The following KDM4B variants were observed in gnomAD, a reference collection of about 807,000 sequenced individuals.
The protein encoded by KDM4B is lysine-specific demethylase 4B.
In KDM4B, 32 loss-of-function variants were observed where a neutral mutation model predicts 125.2. That is an observed-to-expected ratio of 0.26 (90% CI 0.19 to 0.34). The LOEUF is 0.34. KDM4B is among the 10% of genes least tolerant of loss of function. The pLI is 1.00. For missense variants in KDM4B, 1,190 were observed against 1,577.7 expected (o/e 0.75, Z 4.16); for synonymous variants, 721 against 677.9 (o/e 1.06, Z -0.99).
intron 1 of KDM4B, among the ~76,000 whole-genome samples, chr19:4,974,120 C>T (rs909925597): frequency 9.7e-5 from 14 of 144,710 alleles, no homozygotes; most frequent in African/African-American, 2.6e-4. Flanking sequence ...AATAAGTGGC[C>T]GGGCGCAGTG....
At chr19:5,047,232 A>G in intron 5 of KDM4B, 2 of 468,354 alleles carry the variant, frequency 4.3e-6, no homozygotes, top group Non-Finnish European at 7.6e-6. Context: ...TGAGCCTGGG[A>G]GGTTGAGGCT....
rs555587312 is a variant in KDM4B, at chr19:5,023,027, A to G, written c.-26+6688A>G. 1.7e-4 allele frequency among the ~76,000 whole-genome samples: 26 copies of G among 152,282 alleles called. No homozygotes were observed. In the East Asian group the frequency reaches 3.3e-3, roughly 19 times the overall value. On this transcript the variant is annotated intron_variant, in intron 2 of 22. Coordinates refer to ENST00000159111, the MANE Select transcript of KDM4B (RefSeq NM_015015.3). ...TGAATATATTACCTTAAATGACAAA[A>G]GGGACTTTTCGCGGGTGGGACTGAG...
At chr19:5,024,648 TA>T (rs35726883) in intron 2 of KDM4B, among the ~76,000 whole-genome samples, 10,150 of 139,738 alleles carry the variant, frequency 0.073, 1,006 homozygotes, top group African/African-American at 0.23. Flanking sequence ...ACAGCTGCCC[TA>T]AAAAAAAAAA....
At chr19:5,137,373 A>C in intron 16 of KDM4B, 35 bp downstream of exon 16, 1 of 1,536,738 alleles carries the variant, frequency 6.5e-7, no homozygotes, top group Middle Eastern at 1.7e-4. Flanking sequence ...TGGTGCTCTG[A>C]GAGGCCTGGG....
At chr19:5,011,317 C>T (rs2035720358) in intron 1 of KDM4B, among the ~76,000 whole-genome samples, 1 of 152,174 alleles carries the variant, frequency 6.6e-6, no homozygotes, top group African/African-American at 2.4e-5. Flanking sequence ...GCTGACAGGG[C>T]TTGGAAGTAG....
rs750114532 is a variant in KDM4B, at chr19:5,110,714, G to T, written c.1011G>T (p.Lys337Asn). 4 of 1,612,900 alleles carry T rather than the reference G, an allele frequency of 2.5e-6. No homozygotes were observed. The highest frequency in any genetic ancestry group is 3.3e-5 in the Admixed American group (2 of 60,014). The part of the protein sequence containing the change: ...PERYELWKQG[K>N]DLTVLDHTRP... ...GCTACGAGCTGTGGAAGCAGGGCAA[G>T]GACCTCACGGTGCTGGACCACACGC... The change falls in exon 10 of 23, where the codon AAG (lysine) becomes AAT (asparagine). Residue 337 changes from lysine (K) to asparagine (N), a missense_variant. Lys to Asn is a moderately conservative substitution (Grantham distance 94). Coordinates refer to ENST00000159111, the MANE Select transcript of KDM4B (RefSeq NM_015015.3).
intron 5 of KDM4B, among the ~76,000 whole-genome samples, chr19:5,041,653 G>A (rs926018595): frequency 1.3e-5 from 2 of 152,244 alleles, no homozygotes; most frequent in Non-Finnish European, 2.9e-5. Context: ...TGGGCTCAGG[G>A]CCCGGAGACA....
Position 5,128,096 on chromosome 19 carries a change from C to T in KDM4B, c.1316-2980C>T, listed in dbSNP as rs925894105. Among the ~76,000 whole-genome samples, 15 of 151,100 alleles carry T rather than the reference C, an allele frequency of 9.9e-5. No individual in the cohort carries two copies. The South Asian group carries it at 2.3e-3, about 23-fold the overall frequency. On this transcript the variant is annotated intron_variant, in intron 11 of 22. Transcript: ENST00000159111. ...AGCCCCGGCTGGAGTCTCCTGTGTG[C>T]GGAGCTACCTGTTGTGTGTGAGGAC...
At chr19:5,120,586 C>G (rs962122793) in intron 11 of KDM4B, among the ~76,000 whole-genome samples, 42 of 152,336 alleles carry the variant, frequency 2.8e-4, no homozygotes, top group African/African-American at 9.6e-4. Context: ...GAAACATTAC[C>G]TTCCCCAGGG....
intron 1 of KDM4B, among the ~76,000 whole-genome samples, chr19:4,980,599 T>C (rs1295766235): frequency 2.0e-5 from 3 of 151,858 alleles, no homozygotes; most frequent in Non-Finnish European, 4.4e-5. Flanking sequence ...AATTTTTGTA[T>C]TTTTAGTAGA....
In KDM4B at chr19:5,114,644, G is replaced by A. The variant is rs1043395134; in HGVS notation, c.1115+3826G>A. Among the ~76,000 whole-genome samples, 1 of 152,158 alleles carries A rather than the reference G, an allele frequency of 6.6e-6. No homozygotes were observed. The highest frequency in any genetic ancestry group is 1.5e-5 in the Non-Finnish European group (1 of 68,014). On this transcript the variant is annotated intron_variant, in intron 10 of 22. Coordinates refer to ENST00000159111, the MANE Select transcript of KDM4B (RefSeq NM_015015.3). This position sits in a 1 kb window ranked among gnomAD's most constrained non-coding sequence, Gnocchi z 5.8. The stretch of plus-strand genomic sequence containing the variant: ...TTCCTCAGCACAGGGTCTAGTCTTG[G>A]GGGTGGGGAGCACTGGGCCACTTTG...
intron 11 of KDM4B, among the ~76,000 whole-genome samples, chr19:5,122,452 C>T (rs1026228723): frequency 3.9e-5 from 6 of 152,370 alleles, no homozygotes; most frequent in African/African-American, 1.4e-4. Context: ...GGTCATTCCT[C>T]TGCCTGCCAC....
At chr19:5,065,279 C>G (rs2613764) in intron 6 of KDM4B, among the ~76,000 whole-genome samples, 44 of 152,368 alleles carry the variant, frequency 2.9e-4, no homozygotes, top group African/African-American at 1.0e-3. Context: ...CCAAGCCCGT[C>G]TGCTCACCGT....
intron 6 of KDM4B, among the ~76,000 whole-genome samples, chr19:5,053,810 G>C (rs1335370879): frequency 6.6e-6 from 1 of 152,252 alleles, no homozygotes; most frequent in Admixed American, 6.5e-5. Flanking sequence ...CACCAGCCCA[G>C]ACCAGCCACT....
intron 2 of KDM4B, among the ~76,000 whole-genome samples, chr19:5,021,278 G>T (rs2036111965): frequency 6.6e-6 from 1 of 152,062 alleles, no homozygotes; most frequent in Non-Finnish European, 1.5e-5. Flanking sequence ...GGCATCTTTT[G>T]TTTTTTCTTT....
At chr19:5,086,192 G>GCC (rs1162682150) in intron 9 of KDM4B, among the ~76,000 whole-genome samples, 2 of 148,852 alleles carry the variant, frequency 1.3e-5, no homozygotes, top group East Asian at 2.0e-4. Flanking sequence ...AGGGACCCCT[G>GCC]CCCCCCCCCA....
intron 2 of KDM4B, among the ~76,000 whole-genome samples, chr19:5,030,947 C>T (rs2036433560): frequency 1.3e-5 from 2 of 152,356 alleles, no homozygotes; most frequent in African/African-American, 2.4e-5. Context: ...GAGGTGACCG[C>T]GTTCTGCCAC....
In KDM4B at chr19:5,070,308, CT is replaced by C. The variant is rs532792542; in HGVS notation, c.627-701del. 2.4e-3 allele frequency among the ~76,000 whole-genome samples: 368 copies of C among 152,366 alleles called. 2 individuals carry two copies. Among genetic ancestry groups the C allele is most frequent in the Non-Finnish European group, 4.1e-3 (280 of 68,034 alleles). On this transcript the variant is annotated intron_variant, in intron 6 of 22. Transcript: ENST00000159111. ...CTGCGGCTCCTGGTGCCCACCCTCC[CT>C]GATGGGAAGAGAGTCCCAACATCGC...
rs376827867 is a variant in KDM4B, at chr19:5,035,863, C to CTGTGTGTGTGTGTGTGTG, written c.141+2833_141+2850dup. Among the ~76,000 whole-genome samples, 59 of 142,286 alleles carry CTGTGTGTGTGTGTGTGTG rather than the reference C, an allele frequency of 4.1e-4. No homozygotes were observed. The highest frequency in any genetic ancestry group is 1.4e-3 in the African/African-American group (54 of 38,540). 93.3% of individuals were successfully genotyped at this position (142,286 alleles called of 152,430 possible). ...GGAGGGGCTGTGTGTGCACGTGTCT[C>CTGTGTGTGTGTGTGTGTG]TGTGTGTGTGTGTGTGTGCGCGCGC... On this transcript the variant is annotated intron_variant, in intron 3 of 22. Coordinates refer to ENST00000159111, the MANE Select transcript of KDM4B (RefSeq NM_015015.3). The surrounding 1 kb of genome is among the most constrained non-coding windows in gnomAD (Gnocchi z 5.3).
Sources: allele counts gnomAD v4.1 joint callset (sites outside exome capture counted in the v4.1 genomes callset), GRCh38; gene constraint gnomAD v4.1.1; non-coding constraint Gnocchi (gnomAD v3.1); transcripts MANE v1.5; gene names NCBI Gene and HGNC (gene_info 2026-07-23, HGNC 2026-07-21).